The following COMMD1 variants were observed in gnomAD, a reference collection of about 807,000 sequenced individuals.
COMMD1 encodes COMM domain-containing protein 1.
COMMD1 carries 10 observed loss-of-function variants against 17.2 expected under a neutral mutation model. The ratio of observed to expected loss-of-function variants is 0.58; its 90% CI spans 0.36 to 0.99. The LOEUF (loss-of-function observed/expected upper bound fraction) is 0.99. Among genes scored for constraint, COMMD1 ranks in the 50% least tolerant of loss-of-function variants. The pLI, the probability that COMMD1 is intolerant of heterozygous loss-of-function variation, is 0.01. For missense variants in COMMD1, 270 were observed against 231.8 expected (o/e 1.17, Z -1.07); for synonymous variants, 97 against 91.6 (o/e 1.06, Z -0.34).
At chr2:62,130,177 A>G (rs1282044093) in intron 2 of COMMD1, among the ~76,000 whole-genome samples, 14 of 151,708 alleles carry the variant, frequency 9.2e-5, no homozygotes, top group Non-Finnish European at 2.9e-5. Flanking sequence ...AAACAAACAA[A>G]AAAACAAACA....
At chr2:61,900,476 CT>C (rs1359275903) in intron 1 of COMMD1, among the ~76,000 whole-genome samples, 2 of 152,246 alleles carry the variant, frequency 1.3e-5, no homozygotes, top group Non-Finnish European at 2.9e-5. Context: ...GCAGGCATGA[CT>C]TAACTCTTGC....
intron 2 of COMMD1, among the ~76,000 whole-genome samples, chr2:62,012,258 AACACACACACAT>A (rs1408552826): frequency 6.6e-4 from 68 of 102,330 alleles, no homozygotes; most frequent in African/African-American, 2.4e-3. Context: ...CCTTGTCTCA[AACACACACACAT>A]ACACACACAC....
chr2:61,920,600 C>T (rs1558521891), intron 1 of COMMD1, among the ~76,000 whole-genome samples: 1 of 151,742 alleles, frequency 6.6e-6, no homozygotes, highest in Non-Finnish European at 1.5e-5. Flanking sequence ...AATTTTTACC[C>T]CTTGTTGATG....
chr2:61,968,920 G>C (rs1671573241), intron 1 of COMMD1: 1 of 263,200 alleles, frequency 3.8e-6, no homozygotes, highest in Non-Finnish European at 8.0e-6. Context: ...AACGAAACCA[G>C]TTTCAAGGGA....
In COMMD1 at chr2:62,012,681, A is replaced by G. The variant is rs140867983; in HGVS notation, c.462+11699A>G. Among the ~76,000 whole-genome samples the G allele has an allele frequency of 9.9e-3, 1,512 of 152,150 alleles. 10 individuals are homozygous for G. The highest frequency in any genetic ancestry group is 0.016 in the Non-Finnish European group (1,082 of 67,986). ...CATTTCTTTCTCACCACCTCCCACA[A>G]TGTTGATTTTCCATTTTTTCAGCCC... On this transcript the variant is annotated intron_variant, in intron 2 of 2. Coordinates refer to ENST00000311832, the MANE Select transcript of COMMD1 (RefSeq NM_152516.4).
At chr2:62,071,503 G>C (rs572453915) in intron 2 of COMMD1, among the ~76,000 whole-genome samples, 5 of 152,024 alleles carry the variant, frequency 3.3e-5, no homozygotes, top group Non-Finnish European at 7.4e-5. Context: ...AGCCTGGTAG[G>C]TCTCAGCCTT....
intron 2 of COMMD1, among the ~76,000 whole-genome samples, chr2:62,104,649 A>C (rs1264444694): frequency 6.6e-6 from 1 of 151,630 alleles, no homozygotes; most frequent in East Asian, 1.9e-4. Context: ...AAAAAAAAAA[A>C]AAAAACAATA....
chr2:62,105,008 C>T (rs1024737360), intron 2 of COMMD1, among the ~76,000 whole-genome samples: 2 of 151,666 alleles, frequency 1.3e-5, no homozygotes, highest in Admixed American at 6.6e-5. Context: ...GCCTGTAATC[C>T]CAGCTACTCG....
intron 2 of COMMD1, among the ~76,000 whole-genome samples, chr2:62,056,532 G>T (rs912076489): frequency 3.3e-5 from 5 of 152,184 alleles, no homozygotes; most frequent in Non-Finnish European, 5.9e-5. Flanking sequence ...GGAGAATGAC[G>T]ACTGTGTTTA....
chr2:62,109,004 A>G (rs1672385727), intron 2 of COMMD1, among the ~76,000 whole-genome samples: 1 of 152,152 alleles, frequency 6.6e-6, no homozygotes, highest in Non-Finnish European at 1.5e-5. Context: ...TACTCTCCCC[A>G]TATTGCCCCA....
intron 2 of COMMD1, among the ~76,000 whole-genome samples, chr2:62,048,911 C>G (rs557471406): frequency 3.9e-5 from 6 of 152,082 alleles, no homozygotes; most frequent in Non-Finnish European, 8.8e-5. Context: ...ATCCCTTCTT[C>G]CCTTTACTGT....
intron 2 of COMMD1, among the ~76,000 whole-genome samples, chr2:62,116,726 C>T (rs1178682075): frequency 6.7e-6 from 1 of 148,632 alleles, no homozygotes; most frequent in Non-Finnish European, 1.5e-5. Flanking sequence ...TGGCTCATGC[C>T]TGTAAATCCC....
rs549725228 is a variant in COMMD1, at chr2:61,994,917, G to C, written c.181-5784G>C. Among the ~76,000 whole-genome samples, 3 of 152,094 alleles carry C rather than the reference G, an allele frequency of 2.0e-5. No individual in the cohort carries two copies. The East Asian group carries it at 5.8e-4, about 29-fold the overall frequency. ...GATATTGTGATCTGTCTGGTTTGGA[G>C]CTTATGCCAGTCCCCATGGCCACTA... On this transcript the variant is annotated intron_variant, in intron 1 of 2. Coordinates refer to ENST00000311832, the MANE Select transcript of COMMD1 (RefSeq NM_152516.4).
intron 2 of COMMD1, among the ~76,000 whole-genome samples, chr2:62,090,117 A>G (rs991223016): frequency 1.4e-4 from 21 of 151,188 alleles, no homozygotes; most frequent in African/African-American, 4.6e-4. Context: ...GGTCATATTT[A>G]TTTTGTGAGC....
chr2:61,919,387 C>T (rs1670128417), intron 1 of COMMD1, among the ~76,000 whole-genome samples: 1 of 152,120 alleles, frequency 6.6e-6, no homozygotes, highest in Non-Finnish European at 1.5e-5. Context: ...GCCATCGCAG[C>T]TCACTGCAGC....
At chr2:62,067,390 T>C (rs1257384027) in intron 2 of COMMD1, among the ~76,000 whole-genome samples, 1 of 152,212 alleles carries the variant, frequency 6.6e-6, no homozygotes, top group Non-Finnish European at 1.5e-5. Flanking sequence ...TCCTGTTTGC[T>C]TACTTGATCT....
intron 2 of COMMD1, among the ~76,000 whole-genome samples, chr2:62,080,500 G>T (rs1671485879): frequency 6.6e-6 from 1 of 152,074 alleles, no homozygotes; most frequent in African/African-American, 2.4e-5. Context: ...CACTGGGGGA[G>T]TTGTTGAATG....
intron 1 of COMMD1, among the ~76,000 whole-genome samples, chr2:61,967,168 A>G (rs1469875179): frequency 6.6e-6 from 1 of 152,194 alleles, no homozygotes; most frequent in Non-Finnish European, 1.5e-5. Context: ...CTAAGTTGCA[A>G]AGATAGCAGA....
intron 1 of COMMD1, among the ~76,000 whole-genome samples, chr2:61,929,959 T>C (rs1670420228): frequency 6.6e-6 from 1 of 152,092 alleles, no homozygotes; most frequent in African/African-American, 2.4e-5. Context: ...GCTTTTCTTT[T>C]GTTCACCTGT....
Sources: allele counts gnomAD v4.1 joint callset (sites outside exome capture counted in the v4.1 genomes callset), GRCh38; gene constraint gnomAD v4.1.1; transcripts MANE v1.5; gene names NCBI Gene and HGNC (gene_info 2026-07-23, HGNC 2026-07-21).